The following CBARP variants were observed in gnomAD, a reference collection of about 807,000 sequenced individuals.
CBARP encodes voltage-dependent calcium channel beta subunit-associated regulatory protein.
CBARP carries 24 observed loss-of-function variants against 36.3 expected under a neutral mutation model. The ratio of observed to expected loss-of-function variants is 0.66; its 90% confidence interval spans 0.48 to 0.93. The LOEUF (loss-of-function observed/expected upper bound fraction) is 0.93. Among genes scored for constraint, CBARP ranks in the 40% least tolerant of loss-of-function variants. CBARP has a pLI of 0.00. For synonymous variants in CBARP, 586 were observed against 453.2 expected (o/e 1.29, Z -3.72); for missense variants, 1,146 against 980.4 (o/e 1.17, Z -2.26).
chr19:1,229,683 G>A lies in CBARP; in HGVS notation c.1614C>T (p.Arg538=). The A allele has an allele frequency of 9.4e-7, 1 of 1,067,440 alleles. No individual in the cohort carries two copies. The highest frequency in any genetic ancestry group is 1.7e-5 in the African/African-American group (1 of 57,278). The allele number at this position is 1,067,440 out of a possible 1,614,324, so 66.1% of individuals were successfully genotyped here. A position where few individuals can be genotyped will look rare whatever the true frequency, so the allele number is the denominator to read the frequency against. The change falls in exon 10 of 10, where the codon CGC becomes CGT. Residue 538 remains arginine (R), a synonymous_variant. Coordinates refer to ENST00000650044, the MANE Select transcript of CBARP (RefSeq NM_001393918.1). The surrounding 1 kb of genome is among the most constrained non-coding windows in gnomAD (Gnocchi z 5.1). ...SPRAWPRRPR[R]DYSIDEKTDA... ...CCGTCTTCTCGTCGATGCTGTAGTCGCGGCGCGGGCGGCGGGGCCAGGCGC... is the reference window on the plus strand; with the variant it reads ...CCGTCTTCTCGTCGATGCTGTAGTCACGGCGCGGGCGGCGGGGCCAGGCGC...
rs1324121530 is a variant in CBARP, at chr19:1,229,396, G to A, written c.1901C>T (p.Ala634Val). 69 of 1,099,518 alleles carry A rather than the reference G, an allele frequency of 6.3e-5. No homozygotes were observed. Among genetic ancestry groups the A allele is most frequent in the Non-Finnish European group, 7.7e-5 (69 of 891,042 alleles). The allele number at this position is 1,099,518 out of a possible 1,614,324, so 68.1% of individuals were successfully genotyped here. A position where few individuals can be genotyped will look rare whatever the true frequency, so the allele number is the denominator to read the frequency against. ...GPPDGRTLGGAGDDPAIPVIE... is the reference protein window; with the variant it reads ...GPPDGRTLGGVGDDPAIPVIE... ...GACGGGGATGGCGGGGTCGTCGCCG[G>A]CGCCGCCCAGGGTGCGACCGTCGGG... Residue 634 changes from alanine to valine, a missense_variant, in exon 10 of 10, where the codon GCC becomes GTC. By Grantham distance (64) the Ala-to-Val change is moderately conservative. Transcript: ENST00000650044. This position sits in a 1 kb window ranked among gnomAD's most constrained non-coding sequence, Gnocchi z 5.1.
At position 1,229,203 on chromosome 19, in the gene CBARP, C is replaced by T; in HGVS notation, c.2094G>A (p.Thr698=). The T allele has an allele frequency of 8.4e-7, 1 of 1,195,104 alleles. No homozygotes were observed. Among genetic ancestry groups the T allele is most frequent in the Non-Finnish European group, 1.1e-6 (1 of 941,948 alleles). The allele number at this position is 1,195,104 out of a possible 1,614,324, so 74.0% of individuals were successfully genotyped here. The change falls in exon 10 of 10, where the codon ACG becomes ACA. Residue 698 remains threonine, a synonymous_variant. Coordinates refer to ENST00000650044, the MANE Select transcript of CBARP (RefSeq NM_001393918.1). This position sits in a 1 kb window ranked among gnomAD's most constrained non-coding sequence, Gnocchi z 5.1. ...ATPALVAAAP[T]SPDHSPA ...CTTAGGCCGGGCTGTGGTCGGGGGA[C>T]GTGGGGGCGGCGGCGACCAACGCGG...
chr19:1,231,562 GC>G lies in CBARP; in HGVS notation c.980-288del, dbSNP rs1218668838. On this transcript the variant is annotated intron_variant, in intron 8 of 9. Transcript: ENST00000650044. ...GGCCCCCTCACACACACACGCCTGT[GC>G]CCCCCCCACAGAACGCCTGTGCACC... is the stretch of plus-strand genomic sequence containing the variant. 9.8e-5 allele frequency among the ~76,000 whole-genome samples: 5 copies of G among 50,992 alleles called. No individual in the cohort carries two copies. The Admixed American group carries it at 1.1e-3, about 11-fold the overall frequency. 33.5% of individuals were successfully genotyped at this position (50,992 alleles called of 152,430 possible).
rs1394299216 is a variant in CBARP, at chr19:1,234,571, C to G, written c.627G>C (p.Gln209His). The G allele has an allele frequency of 6.2e-7, 1 of 1,601,828 alleles. No individual in the cohort carries two copies. The highest frequency in any genetic ancestry group is 8.5e-7 in the Non-Finnish European group (1 of 1,175,352). ...TSPKATLAIF[Q>H]PPGKALTGRS... is the part of the protein sequence containing the mutation. Reference sequence around the variant, plus strand: ...CCGGGGCTGCTGCCCATAGGCTCACCTGGAAGATGGCCAGAGTGGCCTTGG... The same window carrying G: ...CCGGGGCTGCTGCCCATAGGCTCACGTGGAAGATGGCCAGAGTGGCCTTGG... The change falls in exon 6 of 10, where the codon CAG becomes CAC. Residue 209 changes from glutamine to histidine, a missense_variant and splice_region_variant. Coordinates refer to ENST00000650044, the MANE Select transcript of CBARP (RefSeq NM_001393918.1).
chr19:1,237,888 G>C lies in CBARP; in HGVS notation c.-154C>G, dbSNP rs968204604. 4 of 147,482 alleles carry C rather than the reference G, an allele frequency of 2.7e-5. No homozygotes were observed. The highest frequency in any genetic ancestry group is 9.8e-5 in the African/African-American group (4 of 40,982). 9.1% of individuals were successfully genotyped at this position (147,482 alleles called of 1,614,324 possible). On this transcript the variant is annotated 5_prime_UTR_variant, in exon 1 of 10. Coordinates refer to ENST00000650044, the MANE Select transcript of CBARP (RefSeq NM_001393918.1). ...TATGAATGGAGAGCGCGGCGCGGGGGAGGCCGGCGCGAGAGGAGGGGCCGC... is the reference window on the plus strand; with the variant it reads ...TATGAATGGAGAGCGCGGCGCGGGGCAGGCCGGCGCGAGAGGAGGGGCCGC...
intron 6 of CBARP, 72 bp from the exon 7 acceptor site, chr19:1,234,403 C>T (rs917642850): frequency 2.1e-6 from 3 of 1,434,208 alleles, no homozygotes; most frequent in African/African-American, 2.9e-5. Context: ...GGGACATGGG[C>T]AGGTGAGGAG....
intron 8 of CBARP, 115 bp downstream of exon 8, chr19:1,233,311 G>A: frequency 9.2e-7 from 1 of 1,091,330 alleles, no homozygotes. Flanking sequence ...CTCAGCCCCA[G>A]AGCACCGGCT....
intron 2 of CBARP, 39 bp from the exon 3 acceptor site, chr19:1,235,957 G>C (rs2080965374): frequency 1.9e-6 from 3 of 1,590,582 alleles, no homozygotes; most frequent in African/African-American, 2.7e-5. Context: ...TGCTGGCCTG[G>C]ACGACCTCCT....
intron 9 of CBARP, chr19:1,230,795 G>T: frequency 7.0e-7 from 1 of 1,426,258 alleles, no homozygotes; most frequent in South Asian, 1.6e-5. Context: ...GAGGGCCTGG[G>T]ACCACAGCAG....
chr19:1,235,192 G>A, intron 4 of CBARP, 47 bp from the exon 5 acceptor site: 12 of 1,465,956 alleles, frequency 8.2e-6, no homozygotes, highest in Non-Finnish European at 1.1e-5. Context: ...GGCCACGCCA[G>A]GCGCCTGGTC....
At chr19:1,236,209 C>T (rs944123334) in intron 1 of CBARP, 88 bp from the exon 2 acceptor site, 11 of 1,338,988 alleles carry the variant, frequency 8.2e-6, no homozygotes, top group Middle Eastern at 2.7e-4. Context: ...CCTGCAGGAG[C>T]AGGAGCCCAC....
In CBARP at chr19:1,229,670, C is replaced by G. The variant is rs2080863801; in HGVS notation, c.1627G>C (p.Asp543His). Residue 543 changes from aspartate to histidine, a missense_variant, in exon 10 of 10, where the codon GAC (aspartate) becomes CAC (histidine). By Grantham distance (81) the Asp-to-His change is moderately conservative. Transcript: ENST00000650044. This position sits in a 1 kb window ranked among gnomAD's most constrained non-coding sequence, Gnocchi z 5.1. The stretch of plus-strand genomic sequence containing the variant: ...TGGAACAGCGCGTCCGTCTTCTCGT[C>G]GATGCTGTAGTCGCGGCGCGGGCGG... ...PRRPRRDYSI[D>H]EKTDALFHEF... 2 of 1,134,158 alleles carry G rather than the reference C, an allele frequency of 1.8e-6. No homozygotes were observed. Among genetic ancestry groups the G allele is most frequent in the Non-Finnish European group, 2.2e-6 (2 of 911,158 alleles). 70.3% of individuals were successfully genotyped at this position (1,134,158 alleles called of 1,614,324 possible).
Position 1,235,879 on chromosome 19 carries a change from C to A in CBARP, c.145G>T (p.Val49Leu), listed in dbSNP as rs79529846. The A allele has an allele frequency of 2.5e-3, 4,056 of 1,612,390 alleles. 13 individuals carry two copies. Among genetic ancestry groups the A allele is most frequent in the Non-Finnish European group, 2.3e-3 (2,703 of 1,179,926 alleles). ...DPILDNYVLL[V>L]VVMSLFVGGT... ...CCCACGAACAGCGACATCACCACCACCAGCAGCACGTAGTTGTCCAGGATG... is the reference window on the plus strand; with the variant it reads ...CCCACGAACAGCGACATCACCACCAACAGCAGCACGTAGTTGTCCAGGATG... Residue 49 changes from valine (V) to leucine (L), a missense_variant, in exon 3 of 10, where the codon GTG (valine) becomes TTG (leucine). Physicochemically the swap from Val to Leu is conservative, Grantham distance 32. Transcript: ENST00000650044.
At chr19:1,236,798 T>TG (rs1460026548) in intron 1 of CBARP, among the ~76,000 whole-genome samples, 8 of 98,924 alleles carry the variant, frequency 8.1e-5, no homozygotes, top group South Asian at 3.2e-4. Context: ...AGGCCGCGGC[T>TG]GGGGGGGCGG....
At position 1,231,120 on chromosome 19, in the gene CBARP, G is replaced by T. The variant is rs2080885554; in HGVS notation, c.1135C>A (p.Pro379Thr). ...FPHPRPFLASPPPALGRLEAA... is the reference protein window; with the variant it reads ...FPHPRPFLASTPPALGRLEAA... ...AAATACCTGCCGAGAGCAGGGGGCG[G>T]GCTGGCCAGAAAGGGGCGGGGGTGC... is the stretch of plus-strand genomic sequence containing the variant. The change falls in exon 9 of 10, where the codon CCG (proline) becomes ACG (threonine). Residue 379 changes from proline (P) to threonine (T), a missense_variant. By Grantham distance (38) the Pro-to-Thr change is conservative (BLOSUM62 -1). Transcript: ENST00000650044. 1.9e-6 allele frequency: 3 copies of T among 1,599,208 alleles called. No homozygotes were observed. Among genetic ancestry groups the T allele is most frequent in the Non-Finnish European group, 1.7e-6 (2 of 1,172,132 alleles).
In CBARP at chr19:1,228,324, C is replaced by T. The variant is rs1423564541; in HGVS notation, c.*855G>A. On this transcript the variant is annotated 3_prime_UTR_variant, in exon 10 of 10. Transcript: ENST00000650044. ...ATTTATATCATCCAGAAAAGAAAAA[C>T]ACGAGAAACGCCATCGCGGGATGGT... 7.7e-6 allele frequency: 2 copies of T among 259,376 alleles called. No individual in the cohort carries two copies. The highest frequency in any genetic ancestry group is 1.4e-5 in the Non-Finnish European group (2 of 142,406). The allele number at this position is 259,376 out of a possible 1,614,324, so 16.1% of individuals were successfully genotyped here.
chr19:1,230,871 C>T, intron 9 of CBARP: 1 of 1,504,322 alleles, frequency 6.6e-7, no homozygotes, highest in African/African-American at 1.4e-5. Flanking sequence ...GGGGCCCCTC[C>T]TCCCCACCCA....
intron 7 of CBARP, 116 bp from the exon 8 acceptor site, chr19:1,233,752 A>G: frequency 3.9e-6 from 4 of 1,030,024 alleles, no homozygotes; most frequent in South Asian, 1.7e-5. Context: ...ACTGGGACAG[A>G]GAGGGGTACC....
chr19:1,235,696 G>A lies in CBARP; in HGVS notation c.245+83C>T, dbSNP rs773259057. 11 of 1,600,052 alleles carry A rather than the reference G, an allele frequency of 6.9e-6. No individual in the cohort carries two copies. In the East Asian group the frequency reaches 2.3e-4, roughly 33 times the overall value. ...GAGGCATAGCCCACCCTGTGACTCA[G>A]AAGCCAGTGAGGTAGACCCCCCACC... On this transcript the variant is annotated intron_variant, in intron 3 of 9. Coordinates refer to ENST00000650044, the MANE Select transcript of CBARP (RefSeq NM_001393918.1).
Sources: allele counts gnomAD v4.1 joint callset (sites outside exome capture counted in the v4.1 genomes callset), GRCh38; gene constraint gnomAD v4.1.1; non-coding constraint Gnocchi (gnomAD v3.1); transcripts MANE v1.5; gene names NCBI Gene and HGNC (gene_info 2026-07-23, HGNC 2026-07-21).